The following MICALL1 variants were observed in gnomAD, a reference collection of about 807,000 sequenced individuals.
The protein encoded by MICALL1 is MICAL-like protein 1.
A neutral mutation model predicts 83.7 loss-of-function variants in MICALL1; 61 were observed. That is an observed-to-expected ratio of 0.73 (90% CI 0.59 to 0.90). The LOEUF (loss-of-function observed/expected upper bound fraction) is 0.90, where lower values mean the gene tolerates loss of function less well. Ranked by LOEUF, MICALL1 falls within the 40% of genes least tolerant of loss-of-function variation. MICALL1 has a pLI of 0.00. For missense variants in MICALL1, 1,066 were observed against 1,152.0 expected (o/e 0.93, Z 1.08); for synonymous variants, 481 against 473.6 (o/e 1.02, Z -0.20).
At chr22:37,921,840 G>A in intron 5 of MICALL1, 132 bp from the exon 6 acceptor site, 1 of 741,364 alleles carries the variant, frequency 1.3e-6, no homozygotes. Context: ...GGAAGTCTAG[G>A]GTATGGAGTC....
At chr22:37,938,838 C>T (rs969211752) in intron 15 of MICALL1, among the ~76,000 whole-genome samples, 1 of 152,112 alleles carries the variant, frequency 6.6e-6, no homozygotes, top group African/African-American at 2.4e-5. Context: ...GTCTTGAACT[C>T]CTGACCTCAA....
chr22:37,922,754 C>A (rs1403008299), intron 6 of MICALL1, among the ~76,000 whole-genome samples: 2 of 142,856 alleles, frequency 1.4e-5, no homozygotes, highest in African/African-American at 2.6e-5. Flanking sequence ...GGATTACAGG[C>A]ATGCGCCACC....
rs79160628 is a variant in MICALL1, at chr22:37,911,985, C to A, written c.180C>A (p.Phe60Leu). The stretch of plus-strand genomic sequence containing the variant: ...ATTCGCTTTCCAAGGACAATGTCTT[C>A]GAGAATAACCGTTTGGTAAGTTCCC... The part of the protein sequence containing the change: ...DFDSLSKDNV[F>L]ENNRLAFEVA... Residue 60 changes from phenylalanine (F) to leucine (L), a missense_variant, in exon 2 of 16, where the codon TTC becomes TTA. Phe to Leu is a conservative substitution (Grantham distance 22). Transcript: ENST00000215957. The A allele has an allele frequency of 1.9e-6, 3 of 1,613,986 alleles. No individual in the cohort carries two copies. The highest frequency in any genetic ancestry group is 2.5e-6 in the Non-Finnish European group (3 of 1,180,038).
At chr22:37,935,980 C>G (rs770602026) in intron 13 of MICALL1, among the ~76,000 whole-genome samples, 1 of 152,158 alleles carries the variant, frequency 6.6e-6, no homozygotes, top group Non-Finnish European at 1.5e-5. Flanking sequence ...CCACCTGCCT[C>G]GGCCTCCCAA....
In MICALL1 at chr22:37,923,006, G is replaced by C. The variant is rs142573897; in HGVS notation, c.1024+580G>C. 3.5e-3 allele frequency among the ~76,000 whole-genome samples: 532 copies of C among 151,314 alleles called. 5 individuals are homozygous for C. Among genetic ancestry groups the C allele is most frequent in the African/African-American group, 0.012 (486 of 41,236 alleles). On this transcript the variant is annotated intron_variant, in intron 6 of 15. Coordinates refer to ENST00000215957, the MANE Select transcript of MICALL1 (RefSeq NM_033386.4). ...GTTGGAGTGCAGTGGTGCGATCTCG[G>C]CTCACTGCAACCTTTGCCTCCCGGC...
chr22:37,940,121 G>A (rs969131684), intron 15 of MICALL1, among the ~76,000 whole-genome samples: 23 of 151,254 alleles, frequency 1.5e-4, no homozygotes, highest in African/African-American at 5.6e-4. Context: ...TGGATGCCAT[G>A]CTTCAGAATT....
chr22:37,919,795 C>T (rs1015078587), intron 5 of MICALL1, among the ~76,000 whole-genome samples: 5 of 151,918 alleles, frequency 3.3e-5, no homozygotes, highest in African/African-American at 9.7e-5. Flanking sequence ...TTGAGACCAG[C>T]CTGATCAACG....
At chr22:37,914,460 C>T (rs1928543332) in intron 3 of MICALL1, among the ~76,000 whole-genome samples, 1 of 151,640 alleles carries the variant, frequency 6.6e-6, no homozygotes, top group African/African-American at 2.4e-5. Flanking sequence ...TTCCTGACCT[C>T]AGGTGATCCA....
At chr22:37,939,163 G>C (rs1323952295) in intron 15 of MICALL1, among the ~76,000 whole-genome samples, 2 of 152,254 alleles carry the variant, frequency 1.3e-5, no homozygotes, top group Admixed American at 1.3e-4. Flanking sequence ...CCCAGCTCTG[G>C]CACTTATGAG....
intron 13 of MICALL1, among the ~76,000 whole-genome samples, chr22:37,936,225 C>G (rs1027809831): frequency 1.3e-5 from 2 of 152,110 alleles, no homozygotes; most frequent in Non-Finnish European, 2.9e-5. Context: ...GCAGGTGTGC[C>G]CAGCTTCAGG....
chr22:37,911,608 G>A (rs943833260), intron 1 of MICALL1, among the ~76,000 whole-genome samples: 3 of 152,188 alleles, frequency 2.0e-5, no homozygotes, highest in South Asian at 2.1e-4. Context: ...TCTTTGCCAC[G>A]GACTCCAGGG....
chr22:37,939,810 C>CAGG (rs1056805484), intron 15 of MICALL1, among the ~76,000 whole-genome samples: 14 of 149,356 alleles, frequency 9.4e-5, no homozygotes, highest in Non-Finnish European at 1.8e-4. Context: ...TAAGTGGGGC[C>CAGG]AGGCACGGTG....
intron 13 of MICALL1, among the ~76,000 whole-genome samples, chr22:37,934,206 C>T (rs1016991193): frequency 6.6e-6 from 1 of 152,324 alleles, no homozygotes; most frequent in Non-Finnish European, 1.5e-5. Flanking sequence ...CAGCCTGTCC[C>T]GGATGTTGCT....
In MICALL1 at chr22:37,930,922, C is replaced by T. The variant is rs1436650145; in HGVS notation, c.1882-877C>T. On this transcript the variant is annotated intron_variant, in intron 9 of 15. Coordinates refer to ENST00000215957, the MANE Select transcript of MICALL1 (RefSeq NM_033386.4). The surrounding 1 kb of genome is among the most constrained non-coding windows in gnomAD (Gnocchi z 4.8). ...CAGCGGGGAGAGGGTGGTTATGAGGCCTGAATGAACTACCATAGCTCTGTC... is the reference window on the plus strand; with the variant it reads ...CAGCGGGGAGAGGGTGGTTATGAGGTCTGAATGAACTACCATAGCTCTGTC... Among the ~76,000 whole-genome samples, 1 of 152,160 alleles carries T rather than the reference C, an allele frequency of 6.6e-6. No homozygotes were observed. Among genetic ancestry groups the T allele is most frequent in the Non-Finnish European group, 1.5e-5 (1 of 68,026 alleles).
At chr22:37,922,595 A>AT (rs1929129836) in intron 6 of MICALL1, among the ~76,000 whole-genome samples, 169 bp downstream of exon 6, 1 of 78,454 alleles carries the variant, frequency 1.3e-5, no homozygotes, top group African/African-American at 5.6e-5. Context: ...ATATATATAT[A>AT]TATATATTTT....
intron 5 of MICALL1, among the ~76,000 whole-genome samples, chr22:37,920,076 T>TA (rs2145904021): frequency 6.6e-6 from 1 of 152,202 alleles, no homozygotes; most frequent in African/African-American, 2.4e-5. Flanking sequence ...CTTCCTGTCT[T>TA]ACCCTCCCAA....
intron 13 of MICALL1, 111 bp downstream of exon 13, chr22:37,933,223 A>C: frequency 8.9e-7 from 1 of 1,122,202 alleles, no homozygotes; most frequent in South Asian, 1.3e-5. Flanking sequence ...CAGACTGGGG[A>C]CAGGGCCAGA....
chr22:37,912,760 G>A (rs1928417397), intron 3 of MICALL1, among the ~76,000 whole-genome samples: 1 of 151,316 alleles, frequency 6.6e-6, no homozygotes, highest in Non-Finnish European at 1.5e-5. Flanking sequence ...TCCGCCTCCT[G>A]GGTTTAACCT....
In MICALL1 at chr22:37,937,759, G is replaced by T. The variant is rs1270436189; in HGVS notation, c.2437G>T (p.Asp813Tyr). The T allele has an allele frequency of 6.2e-7, 1 of 1,613,476 alleles. No individual in the cohort carries two copies. Among genetic ancestry groups the T allele is most frequent in the African/African-American group, 1.3e-5 (1 of 74,878 alleles). The change falls in exon 15 of 16, where the codon GAC becomes TAC. Residue 813 changes from aspartate (D) to tyrosine (Y), a missense_variant. Coordinates refer to ENST00000215957, the MANE Select transcript of MICALL1 (RefSeq NM_033386.4). ...TGCTTATTTCAGGGAGGAAGAGGAA[G>T]ACAAGATGTTGGAAGCCATGATCAA... Reference protein sequence around the residue: ...DEDRQREEEEDKMLEAMIKKK... With the variant: ...DEDRQREEEEYKMLEAMIKKK...
Sources: gnomAD v4.1 joint callset for allele counts (sites outside exome capture counted in the v4.1 genomes callset) on GRCh38, gnomAD v4.1.1 for gene constraint, Gnocchi (gnomAD v3.1) non-coding constraint, MANE v1.5 for transcripts, NCBI Gene and HGNC (gene_info 2026-07-23, HGNC 2026-07-21) for gene names.